CPPED1: variants seen among roughly 807,000 people sequenced by gnomAD.
CPPED1 encodes calcineurin like phosphoesterase domain containing 1.
A neutral mutation model predicts 28.0 loss-of-function variants in CPPED1; 28 were observed. The observed-to-expected ratio is 1.00, with a 90% CI of 0.74 to 1.37. CPPED1 has a LOEUF of 1.37. CPPED1 is among the 40% of genes most tolerant of loss of function. CPPED1 has a pLI of 0.00. For missense variants in CPPED1, 504 were observed against 416.5 expected (o/e 1.21, Z -1.83); for synonymous variants, 198 against 180.2 (o/e 1.10, Z -0.79).
chr16:12,802,556 G>T (rs1352199521), intron 1 of CPPED1, among the ~76,000 whole-genome samples: 1 of 152,216 alleles, frequency 6.6e-6, no homozygotes, highest in Admixed American at 6.5e-5. Flanking sequence ...AGCCAAGATC[G>T]TGCCACTGCA....
intron 2 of CPPED1, among the ~76,000 whole-genome samples, chr16:12,758,909 T>C (rs2141225063): frequency 6.6e-6 from 1 of 152,056 alleles, no homozygotes; most frequent in Middle Eastern, 3.4e-3. Context: ...ATGCTTGTAA[T>C]TCCAGCACTC....
rs1457212562 is a variant in CPPED1 at position 12,664,449 on chromosome 16, T to C, written c.*437A>G. 2.0e-6 allele frequency: 2 copies of C among 1,007,050 alleles called. No homozygotes were observed. Among genetic ancestry groups the C allele is most frequent in the African/African-American group, 3.5e-5 (2 of 57,358 alleles). 62.4% of individuals were successfully genotyped at this position (1,007,050 alleles called of 1,614,324 possible). A position where few individuals can be genotyped will look rare whatever the true frequency, so the allele number is the denominator to read the frequency against. On this transcript the variant is annotated 3_prime_UTR_variant, in exon 4 of 4. Coordinates refer to ENST00000381774, the MANE Select transcript of CPPED1 (RefSeq NM_018340.3). This position sits in a 1 kb window ranked among gnomAD's most constrained non-coding sequence, Gnocchi z 4.2. ...ATGAACTTTGTTTTGCCTAGCGTTTTGGGAATCGTGACCACAATTTAATAC... is the reference window on the plus strand; with the variant it reads ...ATGAACTTTGTTTTGCCTAGCGTTTCGGGAATCGTGACCACAATTTAATAC...
chr16:12,683,308 A>G (rs1355501612), intron 3 of CPPED1, among the ~76,000 whole-genome samples: 1 of 152,122 alleles, frequency 6.6e-6, no homozygotes, highest in Admixed American at 6.6e-5. Context: ...CCTCCAGTTA[A>G]CAGCTTATTC....
At chr16:12,755,470 T>C (rs1018828919) in intron 2 of CPPED1, among the ~76,000 whole-genome samples, 7 of 151,726 alleles carry the variant, frequency 4.6e-5, no homozygotes, top group African/African-American at 1.5e-4. Context: ...TTTGTAGAGA[T>C]GGGGTCTCAC....
intron 1 of CPPED1, among the ~76,000 whole-genome samples, chr16:12,797,015 T>C (rs1291259582): frequency 6.6e-6 from 1 of 152,150 alleles, no homozygotes; most frequent in Non-Finnish European, 1.5e-5. Flanking sequence ...AAAGACCACA[T>C]ATTTTTCCAT....
chr16:12,707,810 A>C (rs1596454597), intron 2 of CPPED1, among the ~76,000 whole-genome samples: 1 of 151,616 alleles, frequency 6.6e-6, no homozygotes, highest in East Asian at 1.9e-4. Flanking sequence ...TAATCTGTTA[A>C]AAAAAAAACG....
At chr16:12,761,638 AC>A (rs1053423958) in intron 2 of CPPED1, among the ~76,000 whole-genome samples, 13 of 152,196 alleles carry the variant, frequency 8.5e-5, no homozygotes, top group African/African-American at 3.1e-4. Context: ...AGCTATGGAT[AC>A]CAGCAATGGA....
intron 2 of CPPED1, among the ~76,000 whole-genome samples, chr16:12,738,854 T>C (rs1482789899): frequency 6.6e-6 from 1 of 152,224 alleles, no homozygotes. Flanking sequence ...ATTAGCAAAC[T>C]GTTTTGCCAA....
Position 12,764,839 on chromosome 16 carries a change from G to A in CPPED1, c.289+16346C>T, listed in dbSNP as rs567131150. Among the ~76,000 whole-genome samples, 9 of 152,304 alleles carry A rather than the reference G, an allele frequency of 5.9e-5. No individual in the cohort carries two copies. The South Asian group carries it at 8.3e-4, about 14-fold the overall frequency. ...TGTAAGTGTCCTGAGGACAGACACC[G>A]TATTTGTTTCTTGCTAAGCAGGGGC... On this transcript the variant is annotated intron_variant, in intron 2 of 3. Coordinates refer to ENST00000381774, the MANE Select transcript of CPPED1 (RefSeq NM_018340.3).
At chr16:12,777,217 T>A (rs139416462) in intron 2 of CPPED1, among the ~76,000 whole-genome samples, 2 of 152,350 alleles carry the variant, frequency 1.3e-5, no homozygotes, top group East Asian at 3.9e-4. Flanking sequence ...GAATTATTCC[T>A]GTATTAACTG....
intron 2 of CPPED1, among the ~76,000 whole-genome samples, chr16:12,772,805 A>G (rs1240355992): frequency 6.6e-6 from 1 of 152,226 alleles, no homozygotes; most frequent in Non-Finnish European, 1.5e-5. Flanking sequence ...CAAACCCCCT[A>G]GGCCAGATCT....
At chr16:12,701,322 T>A (rs2080019507) in intron 3 of CPPED1, among the ~76,000 whole-genome samples, 1 of 151,508 alleles carries the variant, frequency 6.6e-6, no homozygotes, top group South Asian at 2.1e-4. Context: ...TTGAGGTCAG[T>A]CAGGAGTTCA....
intron 3 of CPPED1, among the ~76,000 whole-genome samples, chr16:12,697,912 G>A (rs191562478): frequency 3.9e-4 from 60 of 152,242 alleles, no homozygotes; most frequent in Admixed American, 9.8e-4. Context: ...AGGAGTTTGC[G>A]ACCAGCCTGG....
At chr16:12,756,100 C>T (rs2080365723) in intron 2 of CPPED1, among the ~76,000 whole-genome samples, 1 of 150,680 alleles carries the variant, frequency 6.6e-6, no homozygotes, top group Admixed American at 6.6e-5. Flanking sequence ...TACTGCACTC[C>T]AGCCTGGGCA....
At chr16:12,714,570 G>A (rs2080097348) in intron 2 of CPPED1, among the ~76,000 whole-genome samples, 1 of 152,066 alleles carries the variant, frequency 6.6e-6, no homozygotes, top group African/African-American at 2.4e-5. Context: ...GTGCTTACTG[G>A]CAATTTTTAT....
intron 3 of CPPED1, among the ~76,000 whole-genome samples, chr16:12,675,510 G>C (rs999589978): frequency 6.6e-6 from 1 of 152,156 alleles, no homozygotes; most frequent in Non-Finnish European, 1.5e-5. Context: ...TCAATCAGAG[G>C]ATTGGGACAC....
At chr16:12,704,268 A>G (rs937662802) in intron 3 of CPPED1, among the ~76,000 whole-genome samples, 17 of 152,198 alleles carry the variant, frequency 1.1e-4, no homozygotes, top group Middle Eastern at 6.8e-3. Flanking sequence ...ACTTCCCCCA[A>G]TAAACCCCTC....
intron 2 of CPPED1, among the ~76,000 whole-genome samples, chr16:12,777,129 A>G (rs945734664): frequency 6.6e-6 from 1 of 152,244 alleles, no homozygotes; most frequent in Non-Finnish European, 1.5e-5. Flanking sequence ...TCATCAACTG[A>G]AACTAAGTCA....
chr16:12,744,636 C>T (rs1400047522), intron 2 of CPPED1, among the ~76,000 whole-genome samples: 1 of 152,050 alleles, frequency 6.6e-6, no homozygotes, highest in Non-Finnish European at 1.5e-5. Flanking sequence ...TGACAGTCTC[C>T]CTGAGATGAG....
Sources: allele counts gnomAD v4.1 joint callset (sites outside exome capture counted in the v4.1 genomes callset), GRCh38; gene constraint gnomAD v4.1.1; non-coding constraint Gnocchi (gnomAD v3.1); transcripts MANE v1.5; gene names NCBI Gene and HGNC (gene_info 2026-07-23, HGNC 2026-07-21).